Variants in CNTN5 observed in about 807,000 individuals in gnomAD.
CNTN5 encodes contactin-5.
A neutral mutation model predicts 129.1 loss-of-function variants in CNTN5; 77 were observed. The observed-to-expected ratio is 0.60, with a 90% CI of 0.50 to 0.72. The LOEUF (loss-of-function observed/expected upper bound fraction) is 0.72. Among genes scored for constraint, CNTN5 ranks in the 30% least tolerant of loss-of-function variants. The pLI is 0.00. For missense variants in CNTN5, 1,478 were observed against 1,328.8 expected (o/e 1.11, Z -1.75); for synonymous variants, 509 against 465.6 (o/e 1.09, Z -1.20).
At chr11:99,722,452 C>T (rs966597375) in intron 3 of CNTN5, among the ~76,000 whole-genome samples, 5 of 151,728 alleles carry the variant, frequency 3.3e-5, no homozygotes, top group African/African-American at 7.3e-5. Context: ...AACACAAAGA[C>T]GAAAATAGAC....
At chr11:100,001,670 T>G (rs186053957) in intron 8 of CNTN5, among the ~76,000 whole-genome samples, 1 of 152,364 alleles carries the variant, frequency 6.6e-6, no homozygotes, top group East Asian at 1.9e-4. Flanking sequence ...TATTTGACTT[T>G]ATAAATGAAT....
intron 9 of CNTN5, among the ~76,000 whole-genome samples, chr11:100,009,800 T>C (rs1017248328): frequency 1.1e-4 from 17 of 152,092 alleles, no homozygotes; most frequent in Non-Finnish European, 2.5e-4. Context: ...AAACGAAAAT[T>C]TAAATATTTT....
chr11:100,118,414 A>G (rs4754669), intron 13 of CNTN5, among the ~76,000 whole-genome samples: 120,100 of 151,712 alleles, frequency 0.79, 48,375 homozygotes, highest in East Asian at 1. Flanking sequence ...AACTATGCCT[A>G]TCTATTATTA....
chr11:100,046,358 G>A (rs1037261951), intron 9 of CNTN5, among the ~76,000 whole-genome samples: 9 of 152,232 alleles, frequency 5.9e-5, no homozygotes, highest in African/African-American at 1.9e-4. Flanking sequence ...AATCCCATCT[G>A]CCTGTATTCT....
chr11:100,316,203 A>C (rs1441722569), intron 21 of CNTN5, among the ~76,000 whole-genome samples: 1 of 152,174 alleles, frequency 6.6e-6, no homozygotes, highest in Non-Finnish European at 1.5e-5. Flanking sequence ...TTTCATAATC[A>C]TTTCTGTGAT....
At chr11:100,059,737 A>G (rs1010762273) in intron 9 of CNTN5, among the ~76,000 whole-genome samples, 1 of 152,188 alleles carries the variant, frequency 6.6e-6, no homozygotes, top group African/African-American at 2.4e-5. Context: ...TATTACCAAT[A>G]GGTAGGGAAA....
At chr11:99,873,244 C>T (rs1380495990) in intron 6 of CNTN5, among the ~76,000 whole-genome samples, 3 of 151,668 alleles carry the variant, frequency 2.0e-5, no homozygotes, top group Non-Finnish European at 4.4e-5. Flanking sequence ...CCCATGAGTT[C>T]ATTCCTAAAG....
At chr11:99,267,393 A>C (rs570175397) in intron 1 of CNTN5, among the ~76,000 whole-genome samples, 1 of 152,140 alleles carries the variant, frequency 6.6e-6, no homozygotes, top group Admixed American at 6.6e-5. Context: ...TGGTGTCTTT[A>C]ATGTAAATTT....
chr11:100,025,091 G>T (rs1297303406), intron 9 of CNTN5, among the ~76,000 whole-genome samples: 1 of 152,208 alleles, frequency 6.6e-6, no homozygotes, highest in Non-Finnish European at 1.5e-5. Flanking sequence ...CCCATCTAAG[G>T]CCTGGAGGCC....
chr11:100,113,417 CAAAAAAAAAAAAAAAAAAAA>C lies in CNTN5; in HGVS notation c.1580+39140_1580+39159del, dbSNP rs555286793. On this transcript the variant is annotated intron_variant, in intron 13 of 24. Coordinates refer to ENST00000524871, the MANE Select transcript of CNTN5 (RefSeq NM_014361.4). ...TAATGCCCAACCAGGGATGCCATGC[CAAAAAAAAAAAAAAAAAAAA>C]AAAAAAAAAAAAAAAACAAGAAAGA... 6.6e-4 allele frequency among the ~76,000 whole-genome samples: 11 copies of C among 16,788 alleles called. 1 individual carries two copies. The highest frequency in any genetic ancestry group is 0.11 in the Middle Eastern group (2 of 18). 11.0% of individuals were successfully genotyped at this position (16,788 alleles called of 152,430 possible). A position where few individuals can be genotyped will look rare whatever the true frequency, so the allele number is the denominator to read the frequency against.
chr11:100,071,705 A>G lies in CNTN5; in HGVS notation c.1300A>G (p.Ser434Gly). 2 of 1,571,676 alleles carry G rather than the reference A, an allele frequency of 1.3e-6. No homozygotes were observed. The highest frequency in any genetic ancestry group is 1.2e-5 in the South Asian group (1 of 84,156). ...LKNGVPLSPQ[S>G]RVEMVNGVLM... ...TCTAATTTTTTTAATTCCATTACAG[A>G]GTAGGGTTGAGATGGTTAATGGAGT... Residue 434 changes from serine (S) to glycine (G), a missense_variant and splice_region_variant, in exon 12 of 25, where the codon AGT becomes GGT. Physicochemically the swap from Ser to Gly is moderately conservative, Grantham distance 56 (BLOSUM62 0). Coordinates refer to ENST00000524871, the MANE Select transcript of CNTN5 (RefSeq NM_014361.4).
At chr11:99,553,684 T>C (rs890287604) in intron 2 of CNTN5, among the ~76,000 whole-genome samples, 1 of 151,914 alleles carries the variant, frequency 6.6e-6, no homozygotes, top group African/African-American at 2.4e-5. Context: ...GATTTAATTA[T>C]ACTATATTTT....
chr11:99,152,888 T>C (rs529255336), intron 1 of CNTN5, among the ~76,000 whole-genome samples: 51 of 152,346 alleles, frequency 3.3e-4, no homozygotes, highest in Non-Finnish European at 6.3e-4. Flanking sequence ...TCATATTTAT[T>C]TTTTGCTTAT....
chr11:99,129,373 G>C (rs1243353344), intron 1 of CNTN5, among the ~76,000 whole-genome samples: 1 of 152,082 alleles, frequency 6.6e-6, no homozygotes, highest in African/African-American at 2.4e-5. Flanking sequence ...AGGCCATCTT[G>C]CTGAAATAAG....
At chr11:100,347,064 C>T (rs1218631658) in intron 23 of CNTN5, among the ~76,000 whole-genome samples, 2 of 152,108 alleles carry the variant, frequency 1.3e-5, no homozygotes, top group Non-Finnish European at 2.9e-5. Flanking sequence ...CCTCCCATAA[C>T]ATGTGGGCAT....
chr11:99,318,412 G>A (rs1007239253), intron 1 of CNTN5, among the ~76,000 whole-genome samples: 32 of 152,186 alleles, frequency 2.1e-4, no homozygotes, highest in Middle Eastern at 3.4e-3. Flanking sequence ...AAGCAAAAAT[G>A]TCAGAATATT....
intron 1 of CNTN5, among the ~76,000 whole-genome samples, chr11:99,300,653 A>G (rs547147446): frequency 1.5e-4 from 23 of 152,180 alleles, no homozygotes; most frequent in Non-Finnish European, 2.9e-4. Flanking sequence ...ATAAGAGAGG[A>G]ATTATGATAT....
chr11:99,557,154 T>C (rs1022320195), intron 3 of CNTN5, among the ~76,000 whole-genome samples: 8 of 151,248 alleles, frequency 5.3e-5, no homozygotes, highest in African/African-American at 2.4e-5. Flanking sequence ...ATTTTTAATG[T>C]GTTAATTATA....
At chr11:100,178,831 T>A (rs17094528) in intron 13 of CNTN5, among the ~76,000 whole-genome samples, 1 of 152,152 alleles carries the variant, frequency 6.6e-6, no homozygotes, top group South Asian at 2.1e-4. Flanking sequence ...GATGCTTAAA[T>A]GAAGGTGATA....
Sources: allele counts gnomAD v4.1 joint callset (sites outside exome capture counted in the v4.1 genomes callset), GRCh38; gene constraint gnomAD v4.1.1; transcripts MANE v1.5; gene names NCBI Gene and HGNC (gene_info 2026-07-23, HGNC 2026-07-21).